The following CLSTN2 variants were observed in gnomAD, a reference collection of about 807,000 sequenced individuals.
CLSTN2 encodes calsyntenin-2.
A neutral mutation model predicts 101.2 loss-of-function variants in CLSTN2; 48 were observed. That is an observed-to-expected ratio of 0.47 (90% CI 0.38 to 0.60). The LOEUF (loss-of-function observed/expected upper bound fraction) is 0.60, where lower values mean the gene tolerates loss of function less well. CLSTN2 is among the 20% of genes least tolerant of loss of function. CLSTN2 has a pLI of 0.00. For synonymous variants in CLSTN2, 481 were observed against 463.6 expected, an observed-to-expected ratio of 1.04 and a Z score of -0.48; for missense variants, 1,160 against 1,238.2, an observed-to-expected ratio of 0.94 and a Z score of 0.95.
At chr3:140,126,226 A>T (rs973232544) in intron 1 of CLSTN2, among the ~76,000 whole-genome samples, 58 of 152,144 alleles carry the variant, frequency 3.8e-4, no homozygotes, top group African/African-American at 1.4e-3. Context: ...AAATGAAGAC[A>T]GGAGAGGTGA....
At chr3:140,241,576 C>T (rs546136311) in intron 2 of CLSTN2, among the ~76,000 whole-genome samples, 6 of 152,212 alleles carry the variant, frequency 3.9e-5, no homozygotes, top group African/African-American at 1.2e-4. Flanking sequence ...CCAGACTCTT[C>T]TGCACAAGTG....
At chr3:140,050,228 A>G (rs945499681) in intron 1 of CLSTN2, among the ~76,000 whole-genome samples, 1 of 152,200 alleles carries the variant, frequency 6.6e-6, no homozygotes, top group African/African-American at 2.4e-5. Context: ...TCACCTGGGA[A>G]CAGGGGTCAA....
intron 2 of CLSTN2, among the ~76,000 whole-genome samples, chr3:140,250,505 A>G (rs933090994): frequency 6.6e-6 from 1 of 152,198 alleles, no homozygotes; most frequent in African/African-American, 2.4e-5. Context: ...AATGTGAACA[A>G]TCTATTTCAA....
intron 5 of CLSTN2, among the ~76,000 whole-genome samples, chr3:140,434,678 C>T (rs2088669371): frequency 6.6e-6 from 1 of 152,178 alleles, no homozygotes; most frequent in Non-Finnish European, 1.5e-5. Context: ...CAGGGAACAG[C>T]ATCTGCAGGA....
chr3:140,296,157 T>A (rs2087000748), intron 2 of CLSTN2, among the ~76,000 whole-genome samples: 1 of 152,192 alleles, frequency 6.6e-6, no homozygotes. Context: ...TATCTTAGAA[T>A]CTAGAAGGGG....
At chr3:140,047,269 A>G (rs1220234946) in intron 1 of CLSTN2, among the ~76,000 whole-genome samples, 1 of 152,194 alleles carries the variant, frequency 6.6e-6, no homozygotes, top group Non-Finnish European at 1.5e-5. Flanking sequence ...TTTACAGAGT[A>G]AATACATATA....
intron 1 of CLSTN2, among the ~76,000 whole-genome samples, chr3:139,994,973 C>G (rs1936177457): frequency 6.6e-6 from 1 of 152,190 alleles, no homozygotes; most frequent in African/African-American, 2.4e-5. Flanking sequence ...TGGCTTTAAA[C>G]CAAAAGAAAG....
chr3:140,321,951 C>T (rs916439032), intron 2 of CLSTN2, among the ~76,000 whole-genome samples: 1 of 152,202 alleles, frequency 6.6e-6, no homozygotes, highest in Non-Finnish European at 1.5e-5. Context: ...ACCAGAGCAT[C>T]CTCAGCTGGT....
At chr3:140,360,976 AGAG>A (rs2087724646) in intron 2 of CLSTN2, among the ~76,000 whole-genome samples, 1 of 152,206 alleles carries the variant, frequency 6.6e-6, no homozygotes, top group Non-Finnish European at 1.5e-5. Context: ...TTCAGGAAAT[AGAG>A]GAGGAAGAAA....
At chr3:140,062,544 A>G (rs771129330) in intron 1 of CLSTN2, among the ~76,000 whole-genome samples, 33 of 152,302 alleles carry the variant, frequency 2.2e-4, no homozygotes, top group Middle Eastern at 3.4e-3. Context: ...CAAATAATAA[A>G]TGTTTGTAAC....
At chr3:139,957,742 C>G (rs945363548) in intron 1 of CLSTN2, among the ~76,000 whole-genome samples, 5 of 152,022 alleles carry the variant, frequency 3.3e-5, no homozygotes, top group African/African-American at 1.2e-4. Flanking sequence ...AGCTGATGGC[C>G]CTAAGTCAGC....
intron 1 of CLSTN2, among the ~76,000 whole-genome samples, chr3:140,174,307 T>C (rs1285756117): frequency 6.6e-6 from 1 of 152,168 alleles, no homozygotes; most frequent in Non-Finnish European, 1.5e-5. Flanking sequence ...CTCATCTCCA[T>C]CTAAGACCAC....
intron 1 of CLSTN2, among the ~76,000 whole-genome samples, chr3:140,139,236 C>G (rs2009660340): frequency 6.6e-6 from 1 of 152,178 alleles, no homozygotes; most frequent in African/African-American, 2.4e-5. Flanking sequence ...AGTTCCTGGC[C>G]TCCTAAGCTA....
rs143679575 is a variant in CLSTN2, at chr3:140,458,009, A to G, written c.974-1512A>G. On this transcript the variant is annotated intron_variant, in intron 6 of 16. Coordinates refer to ENST00000458420, the MANE Select transcript of CLSTN2 (RefSeq NM_022131.3). ...TTCTAAGGATACATGCTCTTCACAT[A>G]GCATAACCTTCTATTGCTACCCAAT... 3.3e-5 allele frequency among the ~76,000 whole-genome samples: 5 copies of G among 152,312 alleles called. No individual in the cohort carries two copies. In the East Asian group the frequency reaches 9.6e-4, roughly 29 times the overall value.
chr3:140,516,345 GATATGTGAGATACT>G (rs994772023), intron 8 of CLSTN2, among the ~76,000 whole-genome samples: 1 of 152,098 alleles, frequency 6.6e-6, no homozygotes, highest in African/African-American at 2.4e-5. Flanking sequence ...TATCAATATT[GATATGTGAGATACT>G]ATTCTATTCA....
chr3:140,024,675 C>T (rs74734901), intron 1 of CLSTN2, among the ~76,000 whole-genome samples: 302 of 152,218 alleles, frequency 2.0e-3, no homozygotes, highest in African/African-American at 5.9e-3. Context: ...TTGAGTCTCA[C>T]GGTGGTTTGA....
chr3:140,163,449 C>T (rs968819782), intron 1 of CLSTN2, among the ~76,000 whole-genome samples: 2 of 151,690 alleles, frequency 1.3e-5, no homozygotes, highest in Admixed American at 1.3e-4. Flanking sequence ...CACACACACA[C>T]AGATGTAGAG....
chr3:140,307,799 G>A (rs1440428563), intron 2 of CLSTN2, among the ~76,000 whole-genome samples: 1 of 152,192 alleles, frequency 6.6e-6, no homozygotes, highest in Non-Finnish European at 1.5e-5. Flanking sequence ...GAGCAGAGGA[G>A]TCTGAGTCAT....
At chr3:140,317,575 C>G (rs1371532058) in intron 2 of CLSTN2, among the ~76,000 whole-genome samples, 1 of 152,178 alleles carries the variant, frequency 6.6e-6, no homozygotes, top group South Asian at 2.1e-4. Context: ...CCTCTCCAGA[C>G]TTTGTTTCTC....
Sources: gnomAD v4.1 joint callset for allele counts (sites outside exome capture counted in the v4.1 genomes callset) on GRCh38, gnomAD v4.1.1 for gene constraint, MANE v1.5 for transcripts, NCBI Gene and HGNC (gene_info 2026-07-23, HGNC 2026-07-21) for gene names.